The following PSEN1 variants were observed in gnomAD, a reference collection of about 807,000 sequenced individuals.
PSEN1 encodes the protein presenilin-1.
A neutral mutation model predicts 53.5 loss-of-function variants in PSEN1; 15 were observed. That is an observed-to-expected ratio of 0.28 (90% CI 0.19 to 0.43). PSEN1 has a LOEUF of 0.43. Ranked by LOEUF, PSEN1 falls within the 20% of genes least tolerant of loss-of-function variation. The pLI is 1.00. For synonymous variants in PSEN1, 208 were observed against 209.8 expected (o/e 0.99, Z 0.08); for missense variants, 387 against 571.2 (o/e 0.68, Z 3.29).
At position 73,220,501 on chromosome 14, in the gene PSEN1, G is replaced by A. The variant is rs915607926; in HGVS notation, c.*1212G>A. ...GTGGTTGATGAATTATGAACTAGTT[G>A]TATCAACACAAAGCAAGAGTTGGGG... On this transcript the variant is annotated 3_prime_UTR_variant, in exon 12 of 12. Coordinates refer to ENST00000324501, the MANE Select transcript of PSEN1 (RefSeq NM_000021.4). The A allele has an allele frequency of 2.0e-5, 3 of 152,416 alleles. No homozygotes were observed. Among genetic ancestry groups the A allele is most frequent in the Non-Finnish European group, 4.4e-5 (3 of 68,036 alleles). The allele number at this position is 152,416 out of a possible 1,614,324, so 9.4% of individuals were successfully genotyped here.
At chr14:73,197,222 T>G (rs963315719) in intron 7 of PSEN1, among the ~76,000 whole-genome samples, 1 of 152,180 alleles carries the variant, frequency 6.6e-6, no homozygotes, top group Non-Finnish European at 1.5e-5. Flanking sequence ...CGTGAGCCAC[T>G]GCGCCCGGCC....
At chr14:73,142,168 C>T (rs1205716776) in intron 1 of PSEN1, among the ~76,000 whole-genome samples, 3 of 152,108 alleles carry the variant, frequency 2.0e-5, no homozygotes, top group Non-Finnish European at 4.4e-5. Flanking sequence ...GGATGTGATC[C>T]TTTAAAAACT....
intron 7 of PSEN1, chr14:73,197,609 A>T (rs1309513001): frequency 5.4e-6 from 1 of 185,444 alleles, no homozygotes; most frequent in African/African-American, 2.4e-5. Context: ...ATCTCAGAGT[A>T]ATCTTTTTAA....
At chr14:73,194,419 A>AT (rs200471959) in intron 7 of PSEN1, among the ~76,000 whole-genome samples, 10 of 151,734 alleles carry the variant, frequency 6.6e-5, no homozygotes, top group Admixed American at 1.3e-4. Context: ...ACCATGCCTA[A>AT]TTTTTTAAAA....
chr14:73,140,789 G>T (rs1896903986), intron 1 of PSEN1, among the ~76,000 whole-genome samples: 1 of 152,108 alleles, frequency 6.6e-6, no homozygotes, highest in African/African-American at 2.4e-5. Context: ...CGTTTTTATT[G>T]CATTTTCTGA....
chr14:73,190,533 T>C (rs1010947744), intron 6 of PSEN1, among the ~76,000 whole-genome samples: 1 of 151,394 alleles, frequency 6.6e-6, no homozygotes, highest in Non-Finnish European at 1.5e-5. Flanking sequence ...TTGTGTCAAG[T>C]AGAAAAGTAT....
chr14:73,148,374 T>C (rs1337589100), intron 3 of PSEN1, among the ~76,000 whole-genome samples: 1 of 152,230 alleles, frequency 6.6e-6, no homozygotes, highest in Middle Eastern at 3.2e-3. Flanking sequence ...TAGTTCATGT[T>C]GTTTATTATT....
chr14:73,151,878 T>TTATATATATATATATA (rs768963474), intron 3 of PSEN1, among the ~76,000 whole-genome samples: 6 of 56,906 alleles, frequency 1.1e-4, no homozygotes, highest in African/African-American at 5.5e-4. Flanking sequence ...CTAAAATATT[T>TTATATATATATATATA]TATATATATA....
chr14:73,215,191 C>A (rs1187964890), intron 10 of PSEN1, among the ~76,000 whole-genome samples: 3 of 151,734 alleles, frequency 2.0e-5, no homozygotes, highest in African/African-American at 7.3e-5. Context: ...GAACTCCTGA[C>A]CTCAAGTGAT....
intron 1 of PSEN1, among the ~76,000 whole-genome samples, chr14:73,143,424 ACT>A (rs762410961): frequency 6.6e-6 from 1 of 151,910 alleles, no homozygotes; most frequent in Non-Finnish European, 1.5e-5. Flanking sequence ...CATTGTTTAC[ACT>A]CTCTCTGTAA....
At chr14:73,155,392 T>TAC (rs1415591470) in intron 3 of PSEN1, among the ~76,000 whole-genome samples, 17 of 152,360 alleles carry the variant, frequency 1.1e-4, no homozygotes, top group African/African-American at 3.8e-4. Context: ...GAATGATTAG[T>TAC]ACACTACCTA....
At position 73,220,741 on chromosome 14, in the gene PSEN1, A is replaced by C. The variant is rs998878880; in HGVS notation, c.*1452A>C. 2.0e-5 allele frequency: 3 copies of C among 152,148 alleles called. No homozygotes were observed. The highest frequency in any genetic ancestry group is 4.4e-5 in the Non-Finnish European group (3 of 68,056). The allele number at this position is 152,148 out of a possible 1,614,324, so 9.4% of individuals were successfully genotyped here. A position where few individuals can be genotyped will look rare whatever the true frequency, so the allele number is the denominator to read the frequency against. On this transcript the variant is annotated 3_prime_UTR_variant, in exon 12 of 12. Coordinates refer to ENST00000324501, the MANE Select transcript of PSEN1 (RefSeq NM_000021.4). Reference sequence around the variant, plus strand: ...TTCCTCTCAATGTACCTTTGTGTGAACTGGGCAGTGGAGGTGCCTGCTGCA... The same window carrying C: ...TTCCTCTCAATGTACCTTTGTGTGACCTGGGCAGTGGAGGTGCCTGCTGCA...
chr14:73,213,856 G>T (rs1393430699), intron 10 of PSEN1, among the ~76,000 whole-genome samples: 1 of 152,192 alleles, frequency 6.6e-6, no homozygotes, highest in East Asian at 1.9e-4. Context: ...GTGTTGGTGA[G>T]GATGCGAAGA....
intron 1 of PSEN1, among the ~76,000 whole-genome samples, chr14:73,142,081 GA>G (rs1896946677): frequency 6.7e-6 from 1 of 149,058 alleles, no homozygotes; most frequent in African/African-American, 2.5e-5. Context: ...AAAAAAAAAA[GA>G]AAAGAAACTA....
chr14:73,193,296 C>T (rs535429353), intron 7 of PSEN1, among the ~76,000 whole-genome samples: 29 of 152,086 alleles, frequency 1.9e-4, no homozygotes, highest in African/African-American at 6.7e-4. Context: ...GGTGATAGAA[C>T]AAGACCTTGT....
chr14:73,192,254 A>G (rs1309897219), intron 6 of PSEN1, among the ~76,000 whole-genome samples: 1 of 152,070 alleles, frequency 6.6e-6, no homozygotes, highest in Non-Finnish European at 1.5e-5. Context: ...CCTGGGCAAC[A>G]TGTTGAAACC....
intron 8 of PSEN1, among the ~76,000 whole-genome samples, chr14:73,204,964 G>T (rs1306713964): frequency 6.6e-6 from 1 of 152,216 alleles, no homozygotes; most frequent in Non-Finnish European, 1.5e-5. Context: ...TAGTTAAACA[G>T]TGTATTGCCT....
intron 6 of PSEN1, among the ~76,000 whole-genome samples, chr14:73,190,350 G>A (rs1335862871): frequency 1.3e-5 from 2 of 151,826 alleles, no homozygotes; most frequent in African/African-American, 2.4e-5. Flanking sequence ...TTAGCCAGGC[G>A]TGGTGGTGCA....
intron 3 of PSEN1, among the ~76,000 whole-genome samples, chr14:73,165,950 G>C (rs1399221653): frequency 6.6e-6 from 1 of 151,918 alleles, no homozygotes; most frequent in Non-Finnish European, 1.5e-5. Flanking sequence ...CAGCTCCTCG[G>C]GAGGCTGACG....
Sources: allele counts gnomAD v4.1 joint callset (sites outside exome capture counted in the v4.1 genomes callset), GRCh38; gene constraint gnomAD v4.1.1; transcripts MANE v1.5; gene names NCBI Gene and HGNC (gene_info 2026-07-23, HGNC 2026-07-21).